The following MPP7 variants were observed in gnomAD, a reference collection of about 807,000 sequenced individuals.
The protein encoded by MPP7 is MAGUK p55 scaffold protein 7.
A neutral mutation model predicts 76.5 loss-of-function variants in MPP7; 60 were observed. That is an observed-to-expected ratio of 0.78 (90% CI 0.64 to 0.97). The LOEUF is 0.97. Among genes scored for constraint, MPP7 ranks in the 50% least tolerant of loss-of-function variants. The pLI is 0.00. For synonymous variants in MPP7, 237 were observed against 244.5 expected (o/e 0.97, Z 0.29); for missense variants, 641 against 694.0 (o/e 0.92, Z 0.86).
At chr10:28,167,904 AC>A (rs1488145497) in intron 3 of MPP7, among the ~76,000 whole-genome samples, 3 of 152,164 alleles carry the variant, frequency 2.0e-5, no homozygotes. Context: ...TAGCTAGCTC[AC>A]TGTGGCACTA....
At chr10:28,324,477 G>A (rs1834393720) in intron 2 of MPP7, among the ~76,000 whole-genome samples, 1 of 152,176 alleles carries the variant, frequency 6.6e-6, no homozygotes, top group Admixed American at 6.5e-5. Flanking sequence ...GGCACATGTT[G>A]TCACTCAAGG....
chr10:28,199,130 C>T (rs1200157254), intron 3 of MPP7, among the ~76,000 whole-genome samples: 3 of 152,092 alleles, frequency 2.0e-5, no homozygotes, highest in Non-Finnish European at 4.4e-5. Context: ...ACCATCAGCT[C>T]TTATGAGACT....
chr10:28,072,459 C>T (rs1389349450), intron 12 of MPP7, among the ~76,000 whole-genome samples: 1 of 152,156 alleles, frequency 6.6e-6, no homozygotes, highest in Non-Finnish European at 1.5e-5. Flanking sequence ...GTCAAGTCTA[C>T]ATCCCTCTAC....
chr10:28,091,838 A>C (rs923275071), intron 11 of MPP7, among the ~76,000 whole-genome samples: 2 of 152,230 alleles, frequency 1.3e-5, no homozygotes, highest in East Asian at 3.8e-4. Flanking sequence ...AATAATTTAC[A>C]TAGCATTTAC....
intron 3 of MPP7, among the ~76,000 whole-genome samples, chr10:28,153,084 T>C (rs1486136297): frequency 6.6e-6 from 1 of 151,992 alleles, no homozygotes; most frequent in Non-Finnish European, 1.5e-5. Context: ...TGAAACCTCA[T>C]CTCTACTAAA....
At chr10:28,221,726 T>C (rs947766969) in intron 2 of MPP7, among the ~76,000 whole-genome samples, 2 of 152,166 alleles carry the variant, frequency 1.3e-5, no homozygotes, top group Non-Finnish European at 2.9e-5. Flanking sequence ...AAGCAAAATA[T>C]ATATACCTTA....
At chr10:28,270,538 G>T (rs868150349) in intron 1 of MPP7, among the ~76,000 whole-genome samples, 14 of 128,914 alleles carry the variant, frequency 1.1e-4, no homozygotes, top group Admixed American at 9.9e-4. Context: ...AAAAAGGGGG[G>T]GGGGGAGGAG....
At chr10:28,147,308 C>G (rs1444769443) in intron 5 of MPP7, among the ~76,000 whole-genome samples, 175 bp downstream of exon 5, 2 of 152,144 alleles carry the variant, frequency 1.3e-5, no homozygotes, top group East Asian at 3.8e-4. Context: ...AGTTTCTCAT[C>G]ACATTATAAT....
intron 3 of MPP7, among the ~76,000 whole-genome samples, chr10:28,189,985 G>A (rs183865636): frequency 3.9e-4 from 59 of 152,078 alleles, no homozygotes; most frequent in African/African-American, 1.2e-3. Flanking sequence ...AAAAAGTAGA[G>A]AAAGATACAC....
chr10:28,257,634 T>C (rs1391292828), intron 1 of MPP7, among the ~76,000 whole-genome samples: 2 of 148,200 alleles, frequency 1.3e-5, no homozygotes, highest in East Asian at 2.0e-4. Context: ...TTGGGAGATA[T>C]ACCTAATGCT....
chr10:28,238,553 C>T lies in MPP7; in HGVS notation c.37+15G>A, dbSNP rs1462017389. The T allele has an allele frequency of 1.9e-6, 3 of 1,613,890 alleles. No individual in the cohort carries two copies. Among genetic ancestry groups the T allele is most frequent in the East Asian group, 2.2e-5 (1 of 44,872 alleles). On this transcript the variant is annotated intron_variant, in intron 2 of 16. Coordinates refer to ENST00000683449, the MANE Select transcript of MPP7 (RefSeq NM_001318170.2). ...CAAAGATGGAATGAGAACTGCCCCTCTTGGGGTCACATACCAGTGTCACTC... is the reference window on the plus strand; with the variant it reads ...CAAAGATGGAATGAGAACTGCCCCTTTTGGGGTCACATACCAGTGTCACTC...
intron 1 of MPP7, among the ~76,000 whole-genome samples, chr10:28,259,068 C>T (rs542841890): frequency 2.0e-5 from 3 of 152,156 alleles, no homozygotes; most frequent in Non-Finnish European, 4.4e-5. Context: ...CACCACCATT[C>T]ATCCTCCACC....
intron 5 of MPP7, among the ~76,000 whole-genome samples, chr10:28,135,985 T>C (rs529885472): frequency 6.6e-6 from 1 of 152,220 alleles, no homozygotes; most frequent in African/African-American, 2.4e-5. Flanking sequence ...CCCCCATTGC[T>C]TGCATTACCA....
At chr10:28,185,332 G>A (rs1406436066) in intron 3 of MPP7, among the ~76,000 whole-genome samples, 1 of 151,754 alleles carries the variant, frequency 6.6e-6, no homozygotes, top group African/African-American at 2.4e-5. Context: ...AAGCAATGTG[G>A]CTCACAATGC....
chr10:28,319,468 G>A (rs1477852010), intron 2 of MPP7, among the ~76,000 whole-genome samples: 2 of 152,022 alleles, frequency 1.3e-5, no homozygotes, highest in African/African-American at 4.8e-5. Context: ...CTTGAGCCTA[G>A]GAGTTCAAGA....
At chr10:28,331,607 C>A (rs940892285) in intron 1 of MPP7, among the ~76,000 whole-genome samples, 2 of 152,052 alleles carry the variant, frequency 1.3e-5, no homozygotes, top group African/African-American at 4.8e-5. Context: ...GACAGAGTCT[C>A]GCTGTCACCC....
chr10:28,319,424 C>T (rs1834347520), intron 2 of MPP7, among the ~76,000 whole-genome samples: 1 of 152,152 alleles, frequency 6.6e-6, no homozygotes, highest in African/African-American at 2.4e-5. Flanking sequence ...CATCTGTAAT[C>T]CCAGCACTTT....
chr10:28,238,180 A>G (rs75649044), intron 2 of MPP7, among the ~76,000 whole-genome samples: 1 of 152,200 alleles, frequency 6.6e-6, no homozygotes, highest in South Asian at 2.1e-4. Context: ...AGAAAAAAAA[A>G]AGAGAAAAAT....
At chr10:28,288,017 G>A (rs943250220) in intron 1 of MPP7, among the ~76,000 whole-genome samples, 2 of 152,150 alleles carry the variant, frequency 1.3e-5, no homozygotes, top group African/African-American at 4.8e-5. Flanking sequence ...AACTACAGAT[G>A]TGCCTGAGGT....
Sources: allele counts gnomAD v4.1 joint callset (sites outside exome capture counted in the v4.1 genomes callset), GRCh38; gene constraint gnomAD v4.1.1; transcripts MANE v1.5; gene names NCBI Gene and HGNC (gene_info 2026-07-23, HGNC 2026-07-21).